AK2: variants seen among roughly 807,000 people sequenced by gnomAD.
The protein encoded by AK2 is adenylate kinase 2, mitochondrial.
Under a neutral mutation model 24.6 loss-of-function variants are expected in AK2, and 15 were observed. That is an observed-to-expected ratio of 0.61 (90% CI 0.41 to 0.94). The LOEUF is 0.94. AK2 is among the 40% of genes least tolerant of loss of function. AK2 has a pLI of 0.00. For synonymous variants in AK2, 102 were observed against 114.0 expected (o/e 0.90, Z 0.67); for missense variants, 257 against 304.1 (o/e 0.85, Z 1.15).
chr1:33,014,119 G>T (rs369429874), intron 5 of AK2, among the ~76,000 whole-genome samples: 3 of 152,192 alleles, frequency 2.0e-5, no homozygotes, highest in African/African-American at 7.2e-5. Context: ...ACTATAAAAA[G>T]AATATTTTTC....
intron 1 of AK2, among the ~76,000 whole-genome samples, chr1:33,034,557 C>A (rs1640461978): frequency 6.6e-6 from 1 of 151,552 alleles, no homozygotes; most frequent in Non-Finnish European, 1.5e-5. Flanking sequence ...TCAGTCTTGC[C>A]CAATGCTTTA....
intron 4 of AK2, among the ~76,000 whole-genome samples, chr1:33,015,406 C>T (rs1274999563): frequency 6.6e-6 from 1 of 152,228 alleles, no homozygotes; most frequent in Non-Finnish European, 1.5e-5. Flanking sequence ...ATGGCCACAC[C>T]ACAGGAGCCT....
intron 4 of AK2, among the ~76,000 whole-genome samples, chr1:33,017,054 T>C (rs1345592507): frequency 1.3e-5 from 2 of 152,210 alleles, no homozygotes; most frequent in African/African-American, 4.8e-5. Context: ...TTGCCCAGGC[T>C]GGTTGTCTTG....
intron 4 of AK2, 99 bp from the exon 5 acceptor site, chr1:33,014,693 T>C (rs1639069726): frequency 3.9e-6 from 4 of 1,028,386 alleles, no homozygotes; most frequent in Middle Eastern, 2.1e-4. Flanking sequence ...ATAGGGACGC[T>C]GGATGCAAGG....
chr1:33,026,020 G>A (rs1231037275), intron 1 of AK2, among the ~76,000 whole-genome samples: 11 of 152,212 alleles, frequency 7.2e-5, no homozygotes, highest in Non-Finnish European at 1.5e-5. Context: ...AGAACAGGAA[G>A]AGACCCTAGA....
chr1:33,022,354 T>TA (rs1557623367), intron 2 of AK2, among the ~76,000 whole-genome samples: 2 of 142,528 alleles, frequency 1.4e-5, no homozygotes, highest in Admixed American at 7.0e-5. Flanking sequence ...TCCCTCACTT[T>TA]TTTTTTTTTT....
At chr1:33,014,104 C>A (rs1639024239) in intron 5 of AK2, among the ~76,000 whole-genome samples, 1 of 152,174 alleles carries the variant, frequency 6.6e-6, no homozygotes, top group Admixed American at 6.5e-5. Context: ...AGTACAGCAG[C>A]AATAACTATA....
intron 1 of AK2, among the ~76,000 whole-genome samples, chr1:33,028,193 T>C (rs1412736261): frequency 6.6e-6 from 1 of 152,100 alleles, no homozygotes; most frequent in East Asian, 1.9e-4. Flanking sequence ...TCTAAATCAC[T>C]GGAGGAATGC....
chr1:33,034,867 A>C (rs2124395183), intron 1 of AK2, among the ~76,000 whole-genome samples: 1 of 152,196 alleles, frequency 6.6e-6, no homozygotes, highest in African/African-American at 2.4e-5. Context: ...TGGGCAACAT[A>C]GCAAGACCCT....
chr1:33,012,752 C>T lies in AK2; in HGVS notation c.*429G>A. 4 of 970,880 alleles carry T rather than the reference C, an allele frequency of 4.1e-6. No homozygotes were observed. The highest frequency in any genetic ancestry group is 5.7e-6 in the Non-Finnish European group (4 of 700,460). The allele number at this position is 970,880 out of a possible 1,614,324, so 60.1% of individuals were successfully genotyped here. On this transcript the variant is annotated 3_prime_UTR_variant, in exon 6 of 6. Coordinates refer to ENST00000672715, the MANE Select transcript of AK2 (RefSeq NM_001625.4). Reference sequence around the variant, plus strand: ...TCTCTACAAAAAATACAAATATCAGCCAGGTGTTGTGGCATGCACCTGTAG... The same window carrying T: ...TCTCTACAAAAAATACAAATATCAGTCAGGTGTTGTGGCATGCACCTGTAG...
chr1:33,035,541 C>T (rs768535383), intron 1 of AK2, among the ~76,000 whole-genome samples: 10 of 152,182 alleles, frequency 6.6e-5, no homozygotes, highest in Non-Finnish European at 1.5e-4. Flanking sequence ...CTCTTTGAAG[C>T]CTAACAACAG....
Position 33,010,865 on chromosome 1 carries a change from A to G in AK2, c.*2316T>C, listed in dbSNP as rs1638781262. 6.2e-7 allele frequency: 1 copy of G among 1,610,936 alleles called. No homozygotes were observed. Among genetic ancestry groups the G allele is most frequent in the Non-Finnish European group, 8.5e-7 (1 of 1,179,118 alleles). ...TAGAGAGGAAACAAGAGAGAACAAA[A>G]TGGGTTTTTAAAAACCAAGTACATA... is the stretch of plus-strand genomic sequence containing the variant. On this transcript the variant is annotated 3_prime_UTR_variant, in exon 6 of 6. Coordinates refer to ENST00000672715, the MANE Select transcript of AK2 (RefSeq NM_001625.4).
intron 1 of AK2, among the ~76,000 whole-genome samples, chr1:33,035,528 T>C (rs1358075786): frequency 6.6e-6 from 1 of 152,104 alleles, no homozygotes; most frequent in Non-Finnish European, 1.5e-5. Flanking sequence ...AGCTCAGACT[T>C]CCCTCTTTGA....
At chr1:33,026,983 G>T (rs1219431689) in intron 1 of AK2, among the ~76,000 whole-genome samples, 1 of 152,032 alleles carries the variant, frequency 6.6e-6, no homozygotes, top group Non-Finnish European at 1.5e-5. Flanking sequence ...AAAATTAGCT[G>T]GGCGTGCTGG....
At chr1:33,030,690 A>C (rs1396913835) in intron 1 of AK2, among the ~76,000 whole-genome samples, 1 of 152,250 alleles carries the variant, frequency 6.6e-6, no homozygotes, top group Non-Finnish European at 1.5e-5. Context: ...TATAATACAT[A>C]ATAAACCCAT....
At chr1:33,013,511 T>C (rs1340139012) in intron 5 of AK2, 109 bp from the exon 6 acceptor site, 1 of 1,537,802 alleles carries the variant, frequency 6.5e-7, no homozygotes, top group African/African-American at 1.4e-5. Flanking sequence ...ATGCTGTCTG[T>C]TCCCAAAGCC....
In AK2 at chr1:33,010,686, T is replaced by C. The variant is rs555314865; in HGVS notation, c.*2495A>G. Reference sequence around the variant, plus strand: ...CCACACTACAATAACACTGCTGTTGTTCCAAGTATTCCTCTGAGCCCCTCA... The same window carrying C: ...CCACACTACAATAACACTGCTGTTGCTCCAAGTATTCCTCTGAGCCCCTCA... On this transcript the variant is annotated 3_prime_UTR_variant, in exon 6 of 6. Coordinates refer to ENST00000672715, the MANE Select transcript of AK2 (RefSeq NM_001625.4). 4.4e-6 allele frequency: 7 copies of C among 1,596,772 alleles called. No individual in the cohort carries two copies. Among genetic ancestry groups the C allele is most frequent in the South Asian group, 3.4e-5 (3 of 89,432 alleles).
Position 33,008,295 on chromosome 1 carries a change from TGG to T in AK2, c.*4884_*4885del, listed in dbSNP as rs755288649. ...GTGAGATAACTTGTCCAAGGTCGCA[TGG>T]TGAAGTCGCTGTTGAAATCTGTCTT... On this transcript the variant is annotated 3_prime_UTR_variant, in exon 6 of 6. Transcript: ENST00000672715. 2.2e-6 allele frequency: 1 copy of T among 454,054 alleles called. No individual in the cohort carries two copies. Among genetic ancestry groups the T allele is most frequent in the South Asian group, 1.6e-5 (1 of 64,482 alleles). 28.1% of individuals were successfully genotyped at this position (454,054 alleles called of 1,614,324 possible).
chr1:33,013,532 A>G (rs1182939422), intron 5 of AK2, 130 bp from the exon 6 acceptor site: 2 of 1,500,788 alleles, frequency 1.3e-6, no homozygotes, highest in Non-Finnish European at 1.8e-6. Context: ...CATCAGAGAC[A>G]AAGACAGGCA....
Sources: gnomAD v4.1 joint callset for allele counts (sites outside exome capture counted in the v4.1 genomes callset) on GRCh38, gnomAD v4.1.1 for gene constraint, MANE v1.5 for transcripts, NCBI Gene and HGNC (gene_info 2026-07-23, HGNC 2026-07-21) for gene names.